The following ARFGEF2 variants were observed in gnomAD, a reference collection of about 807,000 sequenced individuals.
ARFGEF2 encodes the protein ARF guanine nucleotide exchange factor 2.
Under a neutral mutation model 219.9 loss-of-function variants are expected in ARFGEF2, and 74 were observed. The ratio of observed to expected loss-of-function variants is 0.34; its 90% CI spans 0.28 to 0.41. The LOEUF (loss-of-function observed/expected upper bound fraction) is 0.41, where lower values mean the gene tolerates loss of function less well. ARFGEF2 is among the 10% of genes least tolerant of loss of function. The probability of loss-of-function intolerance (pLI) is 1.00; values close to 1 mark genes in which losing one functional copy is unlikely to be tolerated. For synonymous variants in ARFGEF2, 733 were observed against 799.2 expected (o/e 0.92, Z 1.40); for missense variants, 1,743 against 2,218.3 (o/e 0.79, Z 4.30).
chr20:49,024,942 G>C (rs916612740), intron 35 of ARFGEF2, among the ~76,000 whole-genome samples: 12 of 152,304 alleles, frequency 7.9e-5, no homozygotes, highest in African/African-American at 2.6e-4. Context: ...GTTGCAGTGA[G>C]CCAAGATTGC....
chr20:48,983,817 G>A (rs1160143674), intron 14 of ARFGEF2, among the ~76,000 whole-genome samples: 1 of 152,080 alleles, frequency 6.6e-6, no homozygotes, highest in African/African-American at 2.4e-5. Context: ...CTTTCATGAC[G>A]CTTGCCAGTT....
At chr20:48,923,940 T>C (rs1167293794) in intron 1 of ARFGEF2, among the ~76,000 whole-genome samples, 1 of 152,212 alleles carries the variant, frequency 6.6e-6, no homozygotes, top group Admixed American at 6.5e-5. Context: ...CAGTTTTTAG[T>C]AGTGAATTGT....
intron 35 of ARFGEF2, 94 bp downstream of exon 35, chr20:49,023,275 A>G (rs1209730864): frequency 6.6e-7 from 1 of 1,512,666 alleles, no homozygotes; most frequent in Non-Finnish European, 9.0e-7. Context: ...CTGGCTTTCC[A>G]GAGCCTGTCA....
At chr20:48,975,631 C>T (rs1318781003) in intron 13 of ARFGEF2, among the ~76,000 whole-genome samples, 2 of 151,840 alleles carry the variant, frequency 1.3e-5, no homozygotes, top group Non-Finnish European at 2.9e-5. Flanking sequence ...GAAACCCTGT[C>T]TCTACTAAAA....
At chr20:48,966,165 C>A in intron 8 of ARFGEF2, 142 bp downstream of exon 8, 1 of 1,040,776 alleles carries the variant, frequency 9.6e-7, no homozygotes. Context: ...GGCTGATATT[C>A]TTTGTATTAG....
chr20:48,957,379 C>A (rs1235142317), intron 6 of ARFGEF2, among the ~76,000 whole-genome samples: 1 of 152,212 alleles, frequency 6.6e-6, no homozygotes, highest in African/African-American at 2.4e-5. Context: ...GTGCCTGCCA[C>A]AGAGTGTTCT....
At chr20:48,961,489 G>A (rs996006381) in intron 6 of ARFGEF2, among the ~76,000 whole-genome samples, 3 of 149,316 alleles carry the variant, frequency 2.0e-5, no homozygotes, top group Non-Finnish European at 4.5e-5. Flanking sequence ...ACTTTCTTCC[G>A]GAATGCCTCC....
At chr20:48,966,790 G>A (rs972256582) in intron 8 of ARFGEF2, among the ~76,000 whole-genome samples, 15 of 152,016 alleles carry the variant, frequency 9.9e-5, no homozygotes, top group African/African-American at 3.4e-4. Context: ...GCAATAAACT[G>A]GATATCCATA....
intron 1 of ARFGEF2, among the ~76,000 whole-genome samples, chr20:48,933,083 C>G (rs1194925562): frequency 1.3e-5 from 2 of 152,102 alleles, no homozygotes; most frequent in Non-Finnish European, 2.9e-5. Flanking sequence ...GTGTGTGACC[C>G]GAGCGGTAAC....
intron 30 of ARFGEF2, among the ~76,000 whole-genome samples, chr20:49,015,454 C>G (rs192128615): frequency 6.6e-6 from 1 of 152,290 alleles, no homozygotes; most frequent in Admixed American, 6.5e-5. Flanking sequence ...ACAAAATAGT[C>G]TTAGTTGTGG....
At chr20:48,978,732 G>C (rs2091277719) in intron 14 of ARFGEF2, among the ~76,000 whole-genome samples, 1 of 152,112 alleles carries the variant, frequency 6.6e-6, no homozygotes, top group African/African-American at 2.4e-5. Context: ...TCTCTTTGTA[G>C]CAATTGTGAA....
intron 1 of ARFGEF2, among the ~76,000 whole-genome samples, chr20:48,931,194 G>T (rs1322314011): frequency 1.3e-5 from 2 of 152,230 alleles, no homozygotes; most frequent in African/African-American, 4.8e-5. Flanking sequence ...TGTGGGAGGA[G>T]GGAGATGTGG....
intron 1 of ARFGEF2, among the ~76,000 whole-genome samples, chr20:48,927,703 A>T (rs561588173): frequency 6.6e-6 from 1 of 152,122 alleles, no homozygotes; most frequent in African/African-American, 2.4e-5. Context: ...AAAAAAAATT[A>T]AAAAATAAAT....
chr20:48,975,398 A>G (rs1180144680), intron 13 of ARFGEF2, among the ~76,000 whole-genome samples: 1 of 152,268 alleles, frequency 6.6e-6, no homozygotes, highest in African/African-American at 2.4e-5. Flanking sequence ...TTTTAACACC[A>G]GTACCACACT....
chr20:48,977,059 T>C lies in ARFGEF2; in HGVS notation c.1958+860T>C, dbSNP rs987982724. ...TTGTTACATAGGTATACATGTGCCA[T>C]GTTGGTTTGCTGCACCCATTAACTC... On this transcript the variant is annotated intron_variant, in intron 14 of 38. Transcript: ENST00000371917. Among the ~76,000 whole-genome samples the C allele has an allele frequency of 8.5e-5, 13 of 152,146 alleles. No individual in the cohort carries two copies. In the East Asian group the frequency reaches 2.3e-3, roughly 27 times the overall value.
At chr20:48,922,569 C>A (rs191411629) in intron 1 of ARFGEF2, among the ~76,000 whole-genome samples, 8 of 152,254 alleles carry the variant, frequency 5.3e-5, no homozygotes, top group African/African-American at 1.9e-4. Flanking sequence ...TCTGCTTATT[C>A]CTAGCAGTCC....
chr20:49,013,624 C>T lies in ARFGEF2; in HGVS notation c.3979C>T (p.Arg1327Ter). Residue 1327 changes from arginine (R) to a stop codon, truncating the protein, a stop_gained, in exon 29 of 39, where the codon CGA (arginine) becomes TGA (stop). Transcript: ENST00000371917. LOFTEE classifies it high-confidence loss of function. ...AGCTCCTGGTGACAGAGTCTGGGTC[C>T]GAGGCTGGTTCCCCATCTTATTCGA... ...NVAPGDRVWV[R>*]GWFPILFELS... 6.2e-7 allele frequency: 1 copy of T among 1,614,040 alleles called. No homozygotes were observed. Among genetic ancestry groups the T allele is most frequent in the Non-Finnish European group, 8.5e-7 (1 of 1,180,002 alleles).
At position 48,988,240 on chromosome 20, in the gene ARFGEF2, G is replaced by A. The variant is rs572449093; in HGVS notation, c.2277-64G>A. 116 of 1,210,576 alleles carry A rather than the reference G, an allele frequency of 9.6e-5. No individual in the cohort carries two copies. The African/African-American group carries it at 1.6e-3, about 17-fold the overall frequency. The allele number at this position is 1,210,576 out of a possible 1,614,324, so 75.0% of individuals were successfully genotyped here. ...TGCTTTTCTCGTGAAGTGTGTCTCT[G>A]TTAGCATTGTACCTTCCAAACCGCA... is the stretch of plus-strand genomic sequence containing the variant. On this transcript the variant is annotated intron_variant, in intron 16 of 38. Coordinates refer to ENST00000371917, the MANE Select transcript of ARFGEF2 (RefSeq NM_006420.3).
chr20:49,035,815 G>T lies in ARFGEF2; in HGVS notation c.*2616G>T. The T allele has an allele frequency of 6.2e-5, 11 of 178,186 alleles. No homozygotes were observed. Among genetic ancestry groups the T allele is most frequent in the Admixed American group, 1.9e-4 (3 of 16,090 alleles). 11.0% of individuals were successfully genotyped at this position (178,186 alleles called of 1,614,324 possible). On this transcript the variant is annotated 3_prime_UTR_variant, in exon 39 of 39. Coordinates refer to ENST00000371917, the MANE Select transcript of ARFGEF2 (RefSeq NM_006420.3). ...GTCTGTTAGGGAAATCACCAGCTTTGGCATCTTAACAACAAACAGTGGATG... is the reference window on the plus strand; with the variant it reads ...GTCTGTTAGGGAAATCACCAGCTTTTGCATCTTAACAACAAACAGTGGATG...
Sources: gnomAD v4.1 joint callset for allele counts (sites outside exome capture counted in the v4.1 genomes callset) on GRCh38, gnomAD v4.1.1 for gene constraint, MANE v1.5 for transcripts, NCBI Gene and HGNC (gene_info 2026-07-23, HGNC 2026-07-21) for gene names.